TNRC6A: variants seen among roughly 807,000 people sequenced by gnomAD.
TNRC6A encodes trinucleotide repeat containing adaptor 6A, also known as trinucleotide repeat-containing gene 6A protein.
Under a neutral mutation model 221.2 loss-of-function variants are expected in TNRC6A, and 44 were observed. The observed-to-expected ratio is 0.20, with a 90% CI of 0.16 to 0.26. The LOEUF (loss-of-function observed/expected upper bound fraction) is 0.26, where lower values mean the gene tolerates loss of function less well. Among genes scored for constraint, TNRC6A ranks in the 10% least tolerant of loss-of-function variants. The pLI is 1.00. For synonymous variants in TNRC6A, 847 were observed against 838.5 expected (o/e 1.01, Z -0.18); for missense variants, 2,199 against 2,404.4 (o/e 0.91, Z 1.79).
intron 6 of TNRC6A, among the ~76,000 whole-genome samples, chr16:24,792,316 C>T (rs1282058313): frequency 1.3e-5 from 2 of 151,930 alleles, no homozygotes; most frequent in Non-Finnish European, 2.9e-5. Context: ...TCTAGTATAT[C>T]CTTACTTTCC....
chr16:24,741,939 T>C lies in TNRC6A; in HGVS notation c.54-8787T>C, dbSNP rs567792353. Among the ~76,000 whole-genome samples the C allele has an allele frequency of 2.0e-5, 3 of 152,264 alleles. No individual in the cohort carries two copies. In the East Asian group the frequency reaches 5.8e-4, roughly 29 times the overall value. On this transcript the variant is annotated intron_variant, in intron 2 of 24. Coordinates refer to ENST00000395799, the MANE Select transcript of TNRC6A (RefSeq NM_014494.4). ...GTAGCATTGAATTCTTGGGCTCAGG[T>C]GATCCTCGTGCTTCAGCCTCCTGAG... is the stretch of plus-strand genomic sequence containing the variant.
intron 1 of TNRC6A, among the ~76,000 whole-genome samples, chr16:24,638,667 C>T (rs570851711): frequency 5.3e-5 from 8 of 151,808 alleles, no homozygotes; most frequent in South Asian, 2.1e-4. Context: ...GAGCTGAGAC[C>T]GCACCATTGC....
At chr16:24,656,770 C>T (rs1596608089) in intron 2 of TNRC6A, among the ~76,000 whole-genome samples, 2 of 152,018 alleles carry the variant, frequency 1.3e-5, no homozygotes, top group Non-Finnish European at 2.9e-5. Flanking sequence ...GGAACCCTAC[C>T]TTTCAAAACT....
At chr16:24,732,174 A>G (rs1009121655) in intron 2 of TNRC6A, among the ~76,000 whole-genome samples, 2 of 152,224 alleles carry the variant, frequency 1.3e-5, no homozygotes, top group Admixed American at 1.3e-4. Context: ...CATTTCTTGC[A>G]GGTTAAAAGT....
chr16:24,680,447 C>T lies in TNRC6A; in HGVS notation n.402+39438C>T, dbSNP rs1048592995. ...TAAAAAAAAAAAAGGAGGCCCGGTG[C>T]GGTGGCTCACACCTGTAATCCCAAC... On this transcript the variant is annotated intron_variant and non_coding_transcript_variant, in intron 2 of 2. Coordinates refer to the TNRC6A transcript ENST00000566108. 7.3e-5 allele frequency among the ~76,000 whole-genome samples: 11 copies of T among 150,820 alleles called. No individual in the cohort carries two copies. The East Asian group carries it at 7.8e-4, about 11-fold the overall frequency.
rs371341763 is a variant in TNRC6A at position 24,791,828 on chromosome 16, A to G, written c.3175+11A>G. The G allele has an allele frequency of 1.2e-5, 18 of 1,503,578 alleles. No homozygotes were observed. In the African/African-American group the frequency reaches 1.4e-4, roughly 12 times the overall value. The allele number at this position is 1,503,578 out of a possible 1,614,324, so 93.1% of individuals were successfully genotyped here. On this transcript the variant is annotated intron_variant, in intron 6 of 24. Coordinates refer to ENST00000395799, the MANE Select transcript of TNRC6A (RefSeq NM_014494.4). ...CAAGCAGTGGCTCTGGTAAGTTTCT[A>G]TTTTATGAAATCAAGCCTTGTTTTA...
chr16:24,626,126 C>A (rs1459084514), intron 1 of TNRC6A, among the ~76,000 whole-genome samples: 1 of 130,822 alleles, frequency 7.6e-6, no homozygotes, highest in Non-Finnish European at 1.7e-5. Context: ...GCATAGCACA[C>A]ATTCAGTTTT....
rs1017051791 is a variant in TNRC6A, at chr16:24,789,493, G to A, written c.851G>A (p.Arg284Gln). ...GNTGGEKDGLRNSTGLGSQNK... is the reference protein window; with the variant it reads ...GNTGGEKDGLQNSTGLGSQNK... ...ACAGGTGGTGAAAAAGATGGCCTTC[G>A]GAATAGCACTGGACTTGGTTCCCAA... Residue 284 changes from arginine to glutamine, a missense_variant, in exon 6 of 25, where the codon CGG (arginine) becomes CAG (glutamine). Arg to Gln is a conservative substitution (Grantham distance 43). This residue lies in a region of TNRC6A where 1,405 missense variants were observed against 1,400.2 expected (regional missense o/e 1.00). Transcript: ENST00000395799. 2.2e-5 allele frequency: 35 copies of A among 1,614,050 alleles called. No individual in the cohort carries two copies. Among genetic ancestry groups the A allele is most frequent in the Admixed American group, 1.3e-4 (8 of 60,006 alleles).
chr16:24,797,521 A>C lies in TNRC6A; in HGVS notation c.3593A>C (p.Glu1198Ala), dbSNP rs748294806. The change falls in exon 10 of 25, where the codon GAA becomes GCA. Residue 1198 changes from glutamate to alanine, a missense_variant. Physicochemically the swap from Glu to Ala is moderately radical, Grantham distance 107 (BLOSUM62 -1). Coordinates refer to ENST00000395799, the MANE Select transcript of TNRC6A (RefSeq NM_014494.4). ...GMMKGGNKQE[E>A]AWINPFVKQF... ...ATGAAAGGTGGAAACAAACAAGAAG[A>C]AGCGTGGATAAATCCATTTGTTAAA... 15 of 1,611,436 alleles carry C rather than the reference A, an allele frequency of 9.3e-6. No homozygotes were observed. The highest frequency in any genetic ancestry group is 1.3e-5 in the Non-Finnish European group (15 of 1,179,312).
At chr16:24,708,033 T>C (rs2056130381) in intron 2 of TNRC6A, among the ~76,000 whole-genome samples, 1 of 145,972 alleles carries the variant, frequency 6.9e-6, no homozygotes, top group African/African-American at 2.6e-5. Context: ...CACTGCAGCC[T>C]GGGTGACAGA....
At chr16:24,714,773 T>G (rs2056280922) in intron 2 of TNRC6A, among the ~76,000 whole-genome samples, 2 of 152,174 alleles carry the variant, frequency 1.3e-5, no homozygotes, top group Admixed American at 6.5e-5. Context: ...TCTTCTAATT[T>G]TAGCACCTGT....
At chr16:24,694,810 G>C (rs1345338455) in intron 2 of TNRC6A, among the ~76,000 whole-genome samples, 1 of 152,022 alleles carries the variant, frequency 6.6e-6, no homozygotes, top group African/African-American at 2.4e-5. Flanking sequence ...CTGTACACCT[G>C]TAATCCTAGC....
intron 1 of TNRC6A, among the ~76,000 whole-genome samples, chr16:24,619,065 C>A (rs1900532921): frequency 6.6e-6 from 1 of 152,118 alleles, no homozygotes; most frequent in Non-Finnish European, 1.5e-5. Flanking sequence ...AATTTTAAAA[C>A]CATTGCTCTA....
intron 2 of TNRC6A, among the ~76,000 whole-genome samples, chr16:24,675,606 A>T (rs946972169): frequency 2.7e-5 from 4 of 146,842 alleles, no homozygotes; most frequent in African/African-American, 1.0e-4. Context: ...GCTTGGACCC[A>T]GGAGGCAGAG....
chr16:24,784,623 A>AT (rs1421982641), intron 5 of TNRC6A, among the ~76,000 whole-genome samples: 1 of 151,998 alleles, frequency 6.6e-6, no homozygotes, highest in Admixed American at 6.6e-5. Context: ...TGCCAAACGA[A>AT]TTTTTTTTCC....
chr16:24,639,533 G>A (rs1254053571), intron 1 of TNRC6A, among the ~76,000 whole-genome samples: 3 of 152,088 alleles, frequency 2.0e-5, no homozygotes, highest in Admixed American at 2.0e-4. Context: ...ATGTGCTAAA[G>A]GAGAAAATCA....
intron 2 of TNRC6A, among the ~76,000 whole-genome samples, chr16:24,675,788 T>C (rs1435236283): frequency 1.4e-5 from 2 of 145,604 alleles, no homozygotes; most frequent in African/African-American, 5.0e-5. Context: ...TGGGGACTCA[T>C]TTTTGATATG....
At chr16:24,721,792 A>C (rs2056414571) in intron 2 of TNRC6A, among the ~76,000 whole-genome samples, 1 of 152,244 alleles carries the variant, frequency 6.6e-6, no homozygotes, top group South Asian at 2.1e-4. Context: ...TGGTATATCC[A>C]TTCAACAGAA....
intron 2 of TNRC6A, among the ~76,000 whole-genome samples, chr16:24,672,449 T>G (rs932026046): frequency 6.7e-6 from 1 of 148,318 alleles, no homozygotes; most frequent in African/African-American, 2.5e-5. Context: ...TTTTACTTGT[T>G]TATTTTTTTT....
Sources: gnomAD v4.1 joint callset for allele counts (sites outside exome capture counted in the v4.1 genomes callset) on GRCh38, gnomAD v4.1.1 for gene constraint, gnomAD v4.1.1 regional missense constraint, MANE v1.5 for transcripts, NCBI Gene and HGNC (gene_info 2026-07-23, HGNC 2026-07-21) for gene names.